Variants in LINGO2 observed in about 807,000 individuals in gnomAD.
The protein encoded by LINGO2 is leucine rich repeat and Ig domain containing 2, also known as leucine-rich repeat and immunoglobulin-like domain-containing nogo receptor-interacting protein 2.
LINGO2 carries 14 observed loss-of-function variants against 30.6 expected under a neutral mutation model. The observed-to-expected ratio is 0.46, with a 90% CI of 0.30 to 0.72. The LOEUF (loss-of-function observed/expected upper bound fraction) is 0.72. Ranked by LOEUF, LINGO2 falls within the 30% of genes least tolerant of loss-of-function variation. The pLI is 0.07. For missense variants in LINGO2, 729 were observed against 751.7 expected, an observed-to-expected ratio of 0.97 and a Z score of 0.35; for synonymous variants, 317 against 288.5, an observed-to-expected ratio of 1.10 and a Z score of -1.00.
the LINGO2 span, among the ~76,000 whole-genome samples, chr9:28,912,590 C>T: frequency 2.0e-5 from 3 of 152,076 alleles, no homozygotes; most frequent in Non-Finnish European, 2.9e-5. Context: ...GGACAAGTAA[C>T]CCTTATGGAA....
At chr9:27,960,595 TAA>T (rs1300947812) in intron 5 of LINGO2, among the ~76,000 whole-genome samples, 2 of 151,150 alleles carry the variant, frequency 1.3e-5, no homozygotes. Context: ...CTAGCTTTCT[TAA>T]AGTTTTTGTG....
chr9:28,792,674 T>C, the LINGO2 span, among the ~76,000 whole-genome samples: 2 of 152,144 alleles, frequency 1.3e-5, no homozygotes, highest in African/African-American at 4.8e-5. Context: ...GAATACTACC[T>C]TAATAAAAGT....
At position 28,094,686 on chromosome 9, in the gene LINGO2, C is replaced by T. The variant is rs140334466; in HGVS notation, c.-86-82281G>A. On this transcript the variant is annotated intron_variant, in intron 4 of 5. Transcript: ENST00000379992. ...TTTCCATTGAGCAAATACTAGTGTA[C>T]TTAATAAGCTACAATTAGAACAAGT... Among the ~76,000 whole-genome samples the T allele has an allele frequency of 8.0e-3, 1,213 of 152,130 alleles. 8 individuals carry two copies. Among genetic ancestry groups the T allele is most frequent in the Non-Finnish European group, 0.013 (889 of 67,990 alleles).
chr9:28,635,941 A>C (rs1164644788), intron 1 of LINGO2, among the ~76,000 whole-genome samples: 2 of 152,114 alleles, frequency 1.3e-5, no homozygotes, highest in African/African-American at 4.8e-5. Flanking sequence ...GTCATTTAAC[A>C]TTAGATATAT....
chr9:28,712,114 G>A, the LINGO2 span, among the ~76,000 whole-genome samples: 1 of 152,176 alleles, frequency 6.6e-6, no homozygotes, highest in Non-Finnish European at 1.5e-5. Context: ...ATATGTAAAA[G>A]CTAATAAAGT....
chr9:29,044,937 T>G, the LINGO2 span, among the ~76,000 whole-genome samples: 2 of 152,142 alleles, frequency 1.3e-5, no homozygotes, highest in Non-Finnish European at 2.9e-5. Context: ...CTAGTACAAG[T>G]ATATTAAAAA....
chr9:28,347,194 C>A (rs1213379524), intron 3 of LINGO2, among the ~76,000 whole-genome samples: 1 of 152,068 alleles, frequency 6.6e-6, no homozygotes, highest in East Asian at 1.9e-4. Flanking sequence ...AAGGATTTTA[C>A]AAAATATAAA....
the LINGO2 span, among the ~76,000 whole-genome samples, chr9:28,722,809 C>T: frequency 6.6e-6 from 1 of 152,126 alleles, no homozygotes; most frequent in East Asian, 1.9e-4. Flanking sequence ...TAGGACTTTG[C>T]TGTTTGCCAG....
chr9:28,393,286 G>A (rs1472323458), intron 2 of LINGO2, among the ~76,000 whole-genome samples: 10 of 152,194 alleles, frequency 6.6e-5, no homozygotes, highest in Non-Finnish European at 1.5e-4. Context: ...AGGATAAAAG[G>A]ACATATATTT....
At chr9:28,865,548 C>A in the LINGO2 span, among the ~76,000 whole-genome samples, 4 of 151,976 alleles carry the variant, frequency 2.6e-5, no homozygotes, top group Non-Finnish European at 5.9e-5. Context: ...TTTGAGAGGC[C>A]GAGGCGGGAG....
At chr9:28,507,926 T>C (rs181641195) in intron 1 of LINGO2, among the ~76,000 whole-genome samples, 27 of 152,184 alleles carry the variant, frequency 1.8e-4, no homozygotes, top group Admixed American at 7.2e-4. Flanking sequence ...AAAGGTAGGA[T>C]GACAGTGAAG....
chr9:28,811,751 C>T, the LINGO2 span, among the ~76,000 whole-genome samples: 1 of 152,100 alleles, frequency 6.6e-6, no homozygotes, highest in East Asian at 1.9e-4. Context: ...ATATACTCTA[C>T]TTCCTTCATG....
chr9:28,373,214 C>T (rs1820972608), intron 2 of LINGO2, among the ~76,000 whole-genome samples: 1 of 152,002 alleles, frequency 6.6e-6, no homozygotes. Flanking sequence ...AGCACTTATC[C>T]CATGGAAGCC....
intron 5 of LINGO2, among the ~76,000 whole-genome samples, chr9:27,999,291 A>G (rs1338174115): frequency 6.6e-6 from 1 of 152,150 alleles, no homozygotes; most frequent in Non-Finnish European, 1.5e-5. Flanking sequence ...CACAAAAATT[A>G]TAATGGAGGA....
chr9:28,587,810 G>C (rs1483947034), intron 1 of LINGO2, among the ~76,000 whole-genome samples: 1 of 151,788 alleles, frequency 6.6e-6, no homozygotes, highest in African/African-American at 2.4e-5. Context: ...ATGTGGACAG[G>C]GCCACATTTC....
At position 28,370,482 on chromosome 9, in the gene LINGO2, A is replaced by C. The variant is rs184459171; in HGVS notation, c.-246+2354T>G. 8.5e-5 allele frequency among the ~76,000 whole-genome samples: 13 copies of C among 152,298 alleles called. No individual in the cohort carries two copies. In the East Asian group the frequency reaches 1.7e-3, roughly 20 times the overall value. On this transcript the variant is annotated intron_variant, in intron 3 of 5. Transcript: ENST00000379992. The stretch of plus-strand genomic sequence containing the variant: ...TGAGTTGGAATAGAGGCAGAGGTTC[A>C]GTGTTATTGATAAGGTTTAGAATAA...
intron 4 of LINGO2, among the ~76,000 whole-genome samples, chr9:28,263,785 T>G (rs1822649609): frequency 6.6e-6 from 1 of 151,962 alleles, no homozygotes; most frequent in Non-Finnish European, 1.5e-5. Flanking sequence ...GCTTTAGAAA[T>G]GTACCCAATT....
the LINGO2 span, among the ~76,000 whole-genome samples, chr9:28,899,834 C>T: frequency 2.0e-5 from 3 of 152,184 alleles, no homozygotes; most frequent in South Asian, 2.1e-4. Context: ...GTTGCCCCAT[C>T]GTCCAAGGCC....
At chr9:28,833,573 AG>A in the LINGO2 span, among the ~76,000 whole-genome samples, 1 of 152,218 alleles carries the variant, frequency 6.6e-6, no homozygotes, top group Admixed American at 6.5e-5. Flanking sequence ...CCATTATCAA[AG>A]AAAAGGATTT....
Sources: gnomAD v4.1 joint callset for allele counts (sites outside exome capture counted in the v4.1 genomes callset) on GRCh38, gnomAD v4.1.1 for gene constraint, MANE v1.5 for transcripts, NCBI Gene and HGNC (gene_info 2026-07-23, HGNC 2026-07-21) for gene names.